ANKH: variants seen among roughly 807,000 people sequenced by gnomAD.
ANKH encodes the protein ANKH inorganic pyrophosphate transport regulator, also known as mineralization regulator ANKH.
ANKH carries 15 observed loss-of-function variants against 49.0 expected under a neutral mutation model. The ratio of observed to expected loss-of-function variants is 0.31; its 90% CI spans 0.20 to 0.47. The LOEUF is 0.47. Among genes scored for constraint, ANKH ranks in the 20% least tolerant of loss-of-function variants. The probability of loss-of-function intolerance (pLI) is 1.00; values close to 1 mark genes in which losing one functional copy is unlikely to be tolerated. For missense variants in ANKH, 429 were observed against 652.0 expected (o/e 0.66, Z 3.72); for synonymous variants, 273 against 260.0 (o/e 1.05, Z -0.48).
chr5:14,734,037 T>C (rs937175176), intron 8 of ANKH, among the ~76,000 whole-genome samples: 1 of 152,212 alleles, frequency 6.6e-6, no homozygotes, highest in East Asian at 1.9e-4. Flanking sequence ...GACTTCACCA[T>C]TTGTGTGGGA....
intron 11 of ANKH, among the ~76,000 whole-genome samples, chr5:14,712,180 A>G (rs1415488141): frequency 1.3e-5 from 2 of 152,198 alleles, no homozygotes; most frequent in Non-Finnish European, 2.9e-5. Context: ...GGGAAGCCCA[A>G]CCGCAGGGGA....
At chr5:14,789,848 T>C (rs1055149141) in intron 1 of ANKH, among the ~76,000 whole-genome samples, 4 of 152,044 alleles carry the variant, frequency 2.6e-5, no homozygotes, top group African/African-American at 9.7e-5. Flanking sequence ...GTAGTTGGGA[T>C]TATAGTTGCG....
chr5:14,743,495 T>C (rs1016595805), intron 7 of ANKH, among the ~76,000 whole-genome samples: 1 of 152,240 alleles, frequency 6.6e-6, no homozygotes, highest in East Asian at 1.9e-4. Flanking sequence ...AGAAGCATCC[T>C]TTTTTGCAGG....
chr5:14,751,979 C>T (rs1372474970), intron 4 of ANKH, among the ~76,000 whole-genome samples: 2 of 152,032 alleles, frequency 1.3e-5, no homozygotes, highest in Non-Finnish European at 2.9e-5. Context: ...ATAACATATA[C>T]AGGAAAATAG....
chr5:14,758,716 T>C lies in ANKH; in HGVS notation c.314-118A>G, dbSNP rs114851793. ...TAGTATTTGTTCGTCATAGAAAAAT[T>C]AGATAAGCAAATAGAAAAAAATCAT... On this transcript the variant is annotated intron_variant, in intron 2 of 11. Coordinates refer to ENST00000284268, the MANE Select transcript of ANKH (RefSeq NM_054027.6). 2,206 of 831,636 alleles carry C rather than the reference T, an allele frequency of 2.7e-3. 42 individuals carry two copies. In the African/African-American group the frequency reaches 0.033, roughly 12 times the overall value. 51.5% of individuals were successfully genotyped at this position (831,636 alleles called of 1,614,324 possible). A position where few individuals can be genotyped will look rare whatever the true frequency, so the allele number is the denominator to read the frequency against.
intron 2 of ANKH, among the ~76,000 whole-genome samples, chr5:14,761,259 T>C (rs1739069403): frequency 6.6e-6 from 1 of 152,122 alleles, no homozygotes. Flanking sequence ...AAATGCTCAA[T>C]TTCTGTTGCT....
rs370362984 is a variant in ANKH, at chr5:14,866,649, T to G, written c.96+4703A>C. The stretch of plus-strand genomic sequence containing the variant: ...TGCTCCTTTCCTTAGCAATCTGTAT[T>G]GTTTTAATGACAAAGACCAAGTGAC... On this transcript the variant is annotated intron_variant, in intron 1 of 11. Coordinates refer to ENST00000284268, the MANE Select transcript of ANKH (RefSeq NM_054027.6). Among the ~76,000 whole-genome samples the G allele has an allele frequency of 1.1e-4, 17 of 152,330 alleles. 1 individual carries two copies. In the East Asian group the frequency reaches 2.3e-3, roughly 21 times the overall value.
chr5:14,738,091 C>A (rs1738243601), intron 8 of ANKH, among the ~76,000 whole-genome samples: 1 of 152,158 alleles, frequency 6.6e-6, no homozygotes, highest in South Asian at 2.1e-4. Context: ...TTCTTAAAAC[C>A]CAGTGATCAA....
At chr5:14,846,223 A>C (rs922071007) in intron 1 of ANKH, among the ~76,000 whole-genome samples, 3 of 152,222 alleles carry the variant, frequency 2.0e-5, no homozygotes, top group Non-Finnish European at 2.9e-5. Context: ...TGCATAAGGC[A>C]GTGTGTCAAA....
At position 14,716,764 on chromosome 5, in the gene ANKH, A is replaced by G. The variant is rs1737478093; in HGVS notation, c.1083T>C (p.Phe361=). ...KILIDIIGVD[F]AFAELCVVPL... ...GAACAACACAGAGTTCTGCAAAGGC[A>G]AAGTCCACTCCGATGATGTCTATCA... The change falls in exon 9 of 12, where the codon TTT becomes TTC. Residue 361 remains phenylalanine (F), a synonymous_variant. Coordinates refer to ENST00000284268, the MANE Select transcript of ANKH (RefSeq NM_054027.6). 1.2e-6 allele frequency: 2 copies of G among 1,614,088 alleles called. No homozygotes were observed. The highest frequency in any genetic ancestry group is 1.7e-6 in the Non-Finnish European group (2 of 1,180,004).
chr5:14,757,990 G>A (rs946059238), intron 3 of ANKH, among the ~76,000 whole-genome samples: 7 of 152,262 alleles, frequency 4.6e-5, no homozygotes, highest in East Asian at 3.9e-4. Flanking sequence ...TCATAGCAGC[G>A]TTAGTCACAA....
chr5:14,835,915 C>T (rs1198732383), intron 1 of ANKH, among the ~76,000 whole-genome samples: 2 of 152,194 alleles, frequency 1.3e-5, no homozygotes, highest in Admixed American at 6.5e-5. Flanking sequence ...AAAGCTTATT[C>T]ACCACGATCA....
intron 1 of ANKH, among the ~76,000 whole-genome samples, chr5:14,842,712 G>C (rs1741847515): frequency 1.3e-5 from 2 of 152,214 alleles, no homozygotes; most frequent in African/African-American, 4.8e-5. Flanking sequence ...AGGCTGCAGA[G>C]ACAGGGAGTG....
chr5:14,740,714 A>T (rs1561032411), intron 8 of ANKH, among the ~76,000 whole-genome samples: 2 of 152,180 alleles, frequency 1.3e-5, no homozygotes, highest in African/African-American at 4.8e-5. Flanking sequence ...AAAGGTTTAA[A>T]ATGTACGCAG....
At chr5:14,721,550 T>C (rs1450590416) in intron 8 of ANKH, among the ~76,000 whole-genome samples, 1 of 152,236 alleles carries the variant, frequency 6.6e-6, no homozygotes, top group Non-Finnish European at 1.5e-5. Flanking sequence ...CGCTTCACTT[T>C]TCAGCAAGTT....
rs1231243203 is a variant in ANKH, at chr5:14,713,607, G to A, written c.1202C>T (p.Ala401Val). 1 of 1,614,196 alleles carries A rather than the reference G, an allele frequency of 6.2e-7. No individual in the cohort carries two copies. Among genetic ancestry groups the A allele is most frequent in the Non-Finnish European group, 8.5e-7 (1 of 1,180,032 alleles). Residue 401 changes from alanine to valine, a missense_variant, in exon 10 of 12, where the codon GCC (alanine) becomes GTC (valine). Transcript: ENST00000284268. The surrounding 1 kb of genome is among the most constrained non-coding windows in gnomAD (Gnocchi z 4.4). ...LMTLKKTFVLAPSSVLRIIVL... is the reference protein window; with the variant it reads ...LMTLKKTFVLVPSSVLRIIVL... ...GATGATCCGCAGCACAGAGCTGGGGGCAAGGACGAAGGTTTTCTTCAGTGT... is the reference window on the plus strand; with the variant it reads ...GATGATCCGCAGCACAGAGCTGGGGACAAGGACGAAGGTTTTCTTCAGTGT...
Position 14,871,179 on chromosome 5 carries a change from G to T in ANKH, c.96+173C>A, listed in dbSNP as rs928133350. On this transcript the variant is annotated intron_variant, in intron 1 of 11. Transcript: ENST00000284268. ...GAAAAGTCTGCTGAATAATTGAGGG[G>T]AGGGAGGGAGGGAATGGGGTGCTGG... is the stretch of plus-strand genomic sequence containing the variant. The T allele has an allele frequency of 7.3e-6, 5 of 684,874 alleles. No homozygotes were observed. In the South Asian group the frequency reaches 7.5e-5, roughly 10 times the overall value. The allele number at this position is 684,874 out of a possible 1,614,324, so 42.4% of individuals were successfully genotyped here. A position where few individuals can be genotyped will look rare whatever the true frequency, so the allele number is the denominator to read the frequency against.
intron 1 of ANKH, among the ~76,000 whole-genome samples, chr5:14,812,682 T>C (rs1444111501): frequency 6.6e-6 from 1 of 152,182 alleles, no homozygotes; most frequent in African/African-American, 2.4e-5. Flanking sequence ...TGATAACTGA[T>C]CAAGTTCCTT....
intron 1 of ANKH, among the ~76,000 whole-genome samples, chr5:14,769,987 C>T (rs1739384315): frequency 2.0e-5 from 3 of 152,154 alleles, no homozygotes; most frequent in African/African-American, 7.2e-5. Context: ...CTAAATTTCC[C>T]ACCCCGAAGA....
Sources: gnomAD v4.1 joint callset for allele counts (sites outside exome capture counted in the v4.1 genomes callset) on GRCh38, gnomAD v4.1.1 for gene constraint, Gnocchi (gnomAD v3.1) non-coding constraint, MANE v1.5 for transcripts, NCBI Gene and HGNC (gene_info 2026-07-23, HGNC 2026-07-21) for gene names.